PTPRD: variants seen among roughly 807,000 people sequenced by gnomAD.
The protein encoded by PTPRD is protein tyrosine phosphatase receptor type D.
In PTPRD, 34 loss-of-function variants were observed where a neutral mutation model predicts 214.5. That is an observed-to-expected ratio of 0.16 (90% CI 0.12 to 0.21). The LOEUF is 0.21. Among genes scored for constraint, PTPRD ranks in the 10% least tolerant of loss-of-function variants. PTPRD has a pLI of 1.00. For synonymous variants in PTPRD, 1,128 were observed against 845.7 expected (o/e 1.33, Z -5.79); for missense variants, 2,545 against 2,398.7 (o/e 1.06, Z -1.27).
intron 34 of PTPRD, among the ~76,000 whole-genome samples, chr9:8,440,390 A>C (rs1017915003): frequency 3.3e-5 from 5 of 150,966 alleles, no homozygotes; most frequent in African/African-American, 1.2e-4. Flanking sequence ...ATCTCGGCTC[A>C]CTGTAAGCTC....
chr9:8,716,045 G>C (rs1236998343), intron 12 of PTPRD, among the ~76,000 whole-genome samples: 1 of 152,160 alleles, frequency 6.6e-6, no homozygotes, highest in Non-Finnish European at 1.5e-5. Flanking sequence ...GCTTCACATT[G>C]GGTAGCCACA....
At chr9:8,811,566 A>T (rs908641532) in intron 11 of PTPRD, among the ~76,000 whole-genome samples, 8 of 152,152 alleles carry the variant, frequency 5.3e-5, no homozygotes, top group Admixed American at 5.2e-4. Context: ...CAGAACAATC[A>T]TTCTTAATTC....
intron 14 of PTPRD, among the ~76,000 whole-genome samples, chr9:8,623,730 C>G (rs1485358289): frequency 6.6e-6 from 1 of 151,756 alleles, no homozygotes; most frequent in Non-Finnish European, 1.5e-5. Context: ...ACTTGATAGA[C>G]AGATGCTGAA....
intron 7 of PTPRD, among the ~76,000 whole-genome samples, chr9:9,586,855 C>T (rs1047087520): frequency 6.6e-6 from 1 of 151,826 alleles, no homozygotes; most frequent in Non-Finnish European, 1.5e-5. Flanking sequence ...ACATTTATTC[C>T]ATTTTATCAG....
intron 11 of PTPRD, among the ~76,000 whole-genome samples, chr9:8,848,876 T>C (rs991079987): frequency 7.3e-6 from 1 of 136,434 alleles, no homozygotes; most frequent in African/African-American, 2.7e-5. Context: ...AATAAAACCA[T>C]CTGACTTACA....
At chr9:9,197,298 G>A (rs10435819) in intron 9 of PTPRD, among the ~76,000 whole-genome samples, 29,656 of 151,974 alleles carry the variant, frequency 0.2, 2,975 homozygotes, top group East Asian at 0.33. Flanking sequence ...ATAGTTCCCC[G>A]ATGGCTTGTG....
At chr9:10,472,447 A>C in intron 2 of PTPRD, among the ~76,000 whole-genome samples, 1 of 149,422 alleles carries the variant, frequency 6.7e-6, no homozygotes, top group East Asian at 1.9e-4. Context: ...GACTTTCTTT[A>C]ACATAGGATG....
At chr9:9,257,100 A>C (rs1158049813) in intron 9 of PTPRD, among the ~76,000 whole-genome samples, 2 of 151,890 alleles carry the variant, frequency 1.3e-5, no homozygotes, top group East Asian at 3.9e-4. Context: ...ACTGTGGCCC[A>C]TATGTTGTCA....
intron 2 of PTPRD, among the ~76,000 whole-genome samples, chr9:10,519,649 C>A (rs534841269): frequency 6.6e-6 from 1 of 152,200 alleles, no homozygotes; most frequent in South Asian, 2.1e-4. Flanking sequence ...GCAAGTCCAT[C>A]AGTGCCAATT....
chr9:8,684,822 C>T (rs376863849), intron 12 of PTPRD, among the ~76,000 whole-genome samples: 2 of 152,040 alleles, frequency 1.3e-5, no homozygotes, highest in Non-Finnish European at 2.9e-5. Flanking sequence ...TATTCATTTA[C>T]TTCCCAATGA....
Position 8,436,072 on chromosome 9 carries a change from A to C in PTPRD, c.4086+520T>G, listed in dbSNP as rs573800765. On this transcript the variant is annotated intron_variant, in intron 35 of 45. Transcript: ENST00000381196. Reference sequence around the variant, plus strand: ...TATTTGGTATGCTGGAAAGCTTATCAATTTAGTATATTCTAGGAACTGAAA... The same window carrying C: ...TATTTGGTATGCTGGAAAGCTTATCCATTTAGTATATTCTAGGAACTGAAA... Among the ~76,000 whole-genome samples the C allele has an allele frequency of 2.2e-3, 338 of 152,326 alleles. 1 individual carries two copies. The highest frequency in any genetic ancestry group is 7.7e-3 in the African/African-American group (321 of 41,574).
chr9:8,479,487 C>G (rs1012123147), intron 30 of PTPRD, among the ~76,000 whole-genome samples: 2 of 152,126 alleles, frequency 1.3e-5, no homozygotes, highest in South Asian at 2.1e-4. Context: ...TACCTTTTCC[C>G]TGACTCCCTT....
chr9:9,229,036 T>C (rs1465071705), intron 9 of PTPRD, among the ~76,000 whole-genome samples: 2 of 152,160 alleles, frequency 1.3e-5, no homozygotes, highest in African/African-American at 4.8e-5. Flanking sequence ...AATTTTAATG[T>C]GGGTCATTAA....
chr9:8,808,235 G>C (rs1332109500), intron 11 of PTPRD, among the ~76,000 whole-genome samples: 1 of 152,148 alleles, frequency 6.6e-6, no homozygotes, highest in Admixed American at 6.5e-5. Flanking sequence ...GGTTTCTTTA[G>C]TTAAAGGGGA....
Position 10,229,577 on chromosome 9 carries a change from T to C in PTPRD, c.-545+111386A>G, listed in dbSNP as rs557746924. Among the ~76,000 whole-genome samples the C allele has an allele frequency of 7.2e-4, 110 of 152,020 alleles. 1 individual carries two copies. The highest frequency in any genetic ancestry group is 2.4e-3 in the African/African-American group (101 of 41,462). On this transcript the variant is annotated intron_variant, in intron 3 of 45. Transcript: ENST00000381196. ...GGGACATGGATGAAGCTGGAAGCTA[T>C]CAGTCTCAGCACACTATCACAAGGA...
At chr9:9,779,046 A>G (rs2098821803) in intron 5 of PTPRD, among the ~76,000 whole-genome samples, 1 of 122,652 alleles carries the variant, frequency 8.2e-6, no homozygotes, top group Admixed American at 1.0e-4. Flanking sequence ...AAAGCCTCAC[A>G]CCTACAGCCA....
At chr9:8,647,172 C>CT (rs1189929870) in intron 12 of PTPRD, among the ~76,000 whole-genome samples, 5 of 152,162 alleles carry the variant, frequency 3.3e-5, no homozygotes, top group Non-Finnish European at 1.5e-5. Flanking sequence ...CGTGATGAGT[C>CT]TTTTCTCTTT....
At chr9:10,346,546 A>G (rs2097086805) in intron 2 of PTPRD, among the ~76,000 whole-genome samples, 1 of 152,230 alleles carries the variant, frequency 6.6e-6, no homozygotes, top group Non-Finnish European at 1.5e-5. Flanking sequence ...CTAAACTGCA[A>G]GTGATATTAG....
intron 5 of PTPRD, among the ~76,000 whole-genome samples, chr9:9,854,837 A>C (rs1323792): frequency 2.0e-5 from 3 of 152,172 alleles, no homozygotes; most frequent in Non-Finnish European, 4.4e-5. Flanking sequence ...TTTTGCTATA[A>C]CTATGGATAA....
Sources: allele counts gnomAD v4.1 joint callset (sites outside exome capture counted in the v4.1 genomes callset), GRCh38; gene constraint gnomAD v4.1.1; transcripts MANE v1.5; gene names NCBI Gene and HGNC (gene_info 2026-07-23, HGNC 2026-07-21).